The following SIGLEC1 variants were observed in gnomAD, a reference collection of about 807,000 sequenced individuals.
The protein encoded by SIGLEC1 is sialoadhesin.
A neutral mutation model predicts 148.0 loss-of-function variants in SIGLEC1; 132 were observed. The observed-to-expected ratio is 0.89, with a 90% CI of 0.77 to 1.03. The LOEUF (loss-of-function observed/expected upper bound fraction) is 1.03. SIGLEC1 is among the 50% of genes least tolerant of loss of function. SIGLEC1 has a pLI of 0.00. For missense variants in SIGLEC1, 2,253 were observed against 2,271.4 expected (o/e 0.99, Z 0.16); for synonymous variants, 945 against 969.0 (o/e 0.98, Z 0.46).
rs952737424 is a variant in SIGLEC1 at position 3,705,850 on chromosome 20, C to T, written c.600G>A (p.Glu200=). Residue 200 remains glutamate, a synonymous_variant, in exon 4 of 22, where the codon GAG becomes GAA. Transcript: ENST00000344754. The part of the protein sequence containing the change: ...KFEPTGVGHL[E]TLHMAMSWQD... ...GCCAGGACATGGCCATGTGGAGGGT[C>T]TCCAGGTGGCCGACGCCGGTGGGCT... 1.9e-6 allele frequency: 3 copies of T among 1,614,138 alleles called. No homozygotes were observed. Among genetic ancestry groups the T allele is most frequent in the Middle Eastern group, 3.3e-4 (2 of 6,062 alleles).
rs73893084 is a variant in SIGLEC1 at position 3,706,317 on chromosome 20, G to A, written c.409+30C>T. The stretch of plus-strand genomic sequence containing the variant: ...CAGAAGCAGCTTGGGAATCCCTCCC[G>A]GGGGGCAGCCAGGCCACCCCACTTA... On this transcript the variant is annotated intron_variant, in intron 3 of 21. Coordinates refer to ENST00000344754, the MANE Select transcript of SIGLEC1 (RefSeq NM_023068.4). 1.4e-3 allele frequency: 2,170 copies of A among 1,583,900 alleles called. 20 individuals carry two copies. In the African/African-American group the frequency reaches 0.025, roughly 18 times the overall value.
rs368839194 is a variant in SIGLEC1 at position 3,702,029 on chromosome 20, G to C, written c.1229-388C>G. Among the ~76,000 whole-genome samples the C allele has an allele frequency of 2.5e-4, 38 of 152,200 alleles. No homozygotes were observed. In the East Asian group the frequency reaches 6.8e-3, roughly 27 times the overall value. ...ATGTCCGCGGCCTTCCCACCCAGAGGGCATGGTCTCAGGCCATTCAAGTCA... is the reference window on the plus strand; with the variant it reads ...ATGTCCGCGGCCTTCCCACCCAGAGCGCATGGTCTCAGGCCATTCAAGTCA... On this transcript the variant is annotated intron_variant, in intron 6 of 21. Transcript: ENST00000344754.
Position 3,701,455 on chromosome 20 carries a change from T to A in SIGLEC1, c.1415A>T (p.Asn472Ile), listed in dbSNP as rs774930147. ...SPRFSGTSGP[N>I]SLRLEIRDLE... ...GTCTCGGATCTCCAGGCGCAGGGAG[T>A]TGGGACCAGAGGTACCACTGAAGCG... The change falls in exon 7 of 22, where the codon AAC becomes ATC. Residue 472 changes from asparagine (N) to isoleucine (I), a missense_variant. Transcript: ENST00000344754. 4 of 1,613,836 alleles carry A rather than the reference T, an allele frequency of 2.5e-6. No individual in the cohort carries two copies. Among genetic ancestry groups the A allele is most frequent in the Non-Finnish European group, 2.5e-6 (3 of 1,180,010 alleles).
Position 3,697,200 on chromosome 20 carries a change from G to C in SIGLEC1, c.2265C>G (p.Pro755=). The stretch of plus-strand genomic sequence containing the variant: ...CGGGCAGCAGTGTCACGGTCTCCAG[G>C]GGACCCTGGGCCCACAGCACCCCAT... ...FRNGVLWAQG[P]LETVTLLPVA... is the part of the protein sequence containing the mutation. Residue 755 remains proline, a synonymous_variant, in exon 10 of 22, where the codon CCC becomes CCG. Transcript: ENST00000344754. 6.2e-7 allele frequency: 1 copy of C among 1,613,920 alleles called. No homozygotes were observed. The highest frequency in any genetic ancestry group is 8.5e-7 in the Non-Finnish European group (1 of 1,180,042).
Position 3,698,065 on chromosome 20 carries a change from G to T in SIGLEC1, c.1855C>A (p.Arg619=), listed in dbSNP as rs759092310. Residue 619 remains arginine, a synonymous_variant, in exon 9 of 22, where the codon CGA becomes AGA. Coordinates refer to ENST00000344754, the MANE Select transcript of SIGLEC1 (RefSeq NM_023068.4). ...LDAAGAGAGR[R]GLLLCRVDSD... ...TCCACACGGCACAAAAGGAGGCCTC[G>T]CCGTCCAGCCCCGGCCCCAGCGGCA... 1.2e-5 allele frequency: 20 copies of T among 1,606,962 alleles called. No individual in the cohort carries two copies. Among genetic ancestry groups the T allele is most frequent in the Non-Finnish European group, 1.7e-5 (20 of 1,177,668 alleles).
chr20:3,697,028 T>C, intron 10 of SIGLEC1, 57 bp downstream of exon 10: 1 of 1,560,744 alleles, frequency 6.4e-7, no homozygotes, highest in Non-Finnish European at 8.7e-7. Flanking sequence ...CCCCTGCTTC[T>C]CCCCAGACCA....
rs2088799433 is a variant in SIGLEC1, at chr20:3,694,334, T to A, written c.3143A>T (p.Asn1048Ile). The change falls in exon 13 of 22, where the codon AAC becomes ATC. Residue 1048 changes from asparagine to isoleucine, a missense_variant. By Grantham distance (149) the Asn-to-Ile change is moderately radical. Transcript: ENST00000344754. Reference protein sequence around the residue: ...SPRLHVAVAPNTLRLEIHGAM... With the variant: ...SPRLHVAVAPITLRLEIHGAM... ...CCCGTGGATCTCCAGACGCAGTGTG[T>A]TGGGGGCCACAGCCACATGCAGCCT... 1 of 1,613,068 alleles carries A rather than the reference T, an allele frequency of 6.2e-7. No individual in the cohort carries two copies. The highest frequency in any genetic ancestry group is 1.3e-5 in the African/African-American group (1 of 74,906).
intron 20 of SIGLEC1, 133 bp from the exon 21 acceptor site, chr20:3,689,360 G>A: frequency 1.2e-6 from 1 of 815,942 alleles, no homozygotes; most frequent in Non-Finnish European, 2.1e-6. Flanking sequence ...TGCTTCCTCT[G>A]TCTTCCTCCC....
rs764602397 is a variant in SIGLEC1 at position 3,694,208 on chromosome 20, C to CAT, written c.3256+12_3256+13insAT. On this transcript the variant is annotated intron_variant, in intron 13 of 21. Transcript: ENST00000344754. ...ACACACACACACACACACACACACA[C>CAT]ACACACACTGACCTTGAGCGTCGAA... 6.3e-6 allele frequency: 10 copies of CAT among 1,593,744 alleles called. No individual in the cohort carries two copies. In the South Asian group the frequency reaches 1.1e-4, roughly 18 times the overall value.
intron 2 of SIGLEC1, 86 bp downstream of exon 2, chr20:3,706,994 G>T: frequency 7.1e-7 from 1 of 1,417,130 alleles, no homozygotes; most frequent in Non-Finnish European, 1.0e-6. Flanking sequence ...AACCAAACAT[G>T]TGACCCAGGC....
Position 3,690,144 on chromosome 20 carries a change from C to T in SIGLEC1, c.4712G>A (p.Arg1571Gln), listed in dbSNP as rs745783230. The T allele has an allele frequency of 1.1e-5, 18 of 1,602,996 alleles. No homozygotes were observed. The Admixed American group carries it at 1.5e-4, about 14-fold the overall frequency. Residue 1571 changes from arginine (R) to glutamine (Q), a missense_variant, in exon 19 of 22, where the codon CGA (arginine) becomes CAA (glutamine). Coordinates refer to ENST00000344754, the MANE Select transcript of SIGLEC1 (RefSeq NM_023068.4). ...CTGGGGCTGACTGGAGGCCACCAGTCGACTGCCAAGGTGGAGAGTCAGGCT... is the reference window on the plus strand; with the variant it reads ...CTGGGGCTGACTGGAGGCCACCAGTTGACTGCCAAGGTGGAGAGTCAGGCT... Reference protein sequence around the residue: ...LASLTLHLGSRLVASSQPQGA... With the variant: ...LASLTLHLGSQLVASSQPQGA...
rs780087794 is a variant in SIGLEC1 at position 3,694,414 on chromosome 20, A to T, written c.3063T>A (p.Asp1021Glu). 21 of 1,612,612 alleles carry T rather than the reference A, an allele frequency of 1.3e-5. No homozygotes were observed. The South Asian group carries it at 1.9e-4, about 14-fold the overall frequency. The change falls in exon 13 of 22, where the codon GAT (aspartate) becomes GAA (glutamate). Residue 1021 changes from aspartate (D) to glutamate (E), a missense_variant. Asp to Glu is a conservative substitution (Grantham distance 45). Transcript: ENST00000344754. ...PPAQLRLLHG[D>E]RLVASTLQGV... Reference sequence around the variant, plus strand: ...CTTGTAGGGTGGAGGCCACAAGGCGATCCCCGTGGAGCAGCCGCAGCTGGG... The same window carrying T: ...CTTGTAGGGTGGAGGCCACAAGGCGTTCCCCGTGGAGCAGCCGCAGCTGGG...
chr20:3,700,271 C>T (rs2087840412), intron 7 of SIGLEC1, among the ~76,000 whole-genome samples: 1 of 151,880 alleles, frequency 6.6e-6, no homozygotes, highest in South Asian at 2.1e-4. Flanking sequence ...GTGTGCGCCA[C>T]CACACCCGGC....
rs2088760954 is a variant in SIGLEC1, at chr20:3,691,436, T to C, written c.4495A>G (p.Thr1499Ala). 6.2e-7 allele frequency: 1 copy of C among 1,613,228 alleles called. No homozygotes were observed. Among genetic ancestry groups the C allele is most frequent in the East Asian group, 2.2e-5 (1 of 44,866 alleles). The stretch of plus-strand genomic sequence containing the variant: ...CCAGCTTGAGCACGAGCCACGTGGG[T>C]GAAGGCGAGAGTGGGCACAGGCTCC... ...HAEPVPTLAF[T>A]HVARAQAGMY... is the part of the protein sequence containing the mutation. The change falls in exon 18 of 22, where the codon ACC (threonine) becomes GCC (alanine). Residue 1499 changes from threonine to alanine, a missense_variant. By Grantham distance (58) the Thr-to-Ala change is moderately conservative. Transcript: ENST00000344754.
Position 3,699,371 on chromosome 20 carries a change from A to T in SIGLEC1, c.1617T>A (p.Pro539=). 1 of 1,608,728 alleles carries T rather than the reference A, an allele frequency of 6.2e-7. No homozygotes were observed. The highest frequency in any genetic ancestry group is 8.5e-7 in the Non-Finnish European group (1 of 1,178,336). ...LSCRSGLSPT[P]DARFSWYLNG... is the part of the protein sequence containing the mutation. ...TCAGGTACCAGGAGAAGCGGGCATC[A>T]GGTGTGGGGCTTAGGCCGCTTCTGC... Residue 539 remains proline (P), a synonymous_variant, in exon 8 of 22, where the codon CCT becomes CCA. Transcript: ENST00000344754.
intron 7 of SIGLEC1, 24 bp from the exon 8 acceptor site, chr20:3,699,483 G>A: frequency 6.3e-7 from 1 of 1,592,384 alleles, no homozygotes; most frequent in Non-Finnish European, 8.5e-7. Context: ...AAGAGGCTGG[G>A]AAGGGTCCCT....
At position 3,706,469 on chromosome 20, in the gene SIGLEC1, C is replaced by G; in HGVS notation, c.287G>C (p.Arg96Thr). Residue 96 changes from arginine to threonine, a missense_variant, in exon 3 of 22, where the codon AGG becomes ACG. By Grantham distance (71) the Arg-to-Thr change is moderately conservative. Coordinates refer to ENST00000344754, the MANE Select transcript of SIGLEC1 (RefSeq NM_023068.4). ...RTEFMGNPEH[R>T]VCNLLLKDLQ... is the part of the protein sequence containing the mutation. ...GTCCTTCAGCAGCAGGTTGCACACCCTGTGCTCGGGGTTCCCCATGAACTC... is the reference window on the plus strand; with the variant it reads ...GTCCTTCAGCAGCAGGTTGCACACCGTGTGCTCGGGGTTCCCCATGAACTC... 6.2e-7 allele frequency: 1 copy of G among 1,614,030 alleles called. No individual in the cohort carries two copies. The highest frequency in any genetic ancestry group is 8.5e-7 in the Non-Finnish European group (1 of 1,180,036).
chr20:3,689,127 T>C (rs376137255), intron 21 of SIGLEC1, 28 bp downstream of exon 21: 49 of 1,594,992 alleles, frequency 3.1e-5, no homozygotes, highest in Non-Finnish European at 3.2e-5. Context: ...CTGGGTATTA[T>C]ATCTGCCCGT....
At position 3,691,512 on chromosome 20, in the gene SIGLEC1, A is replaced by G. The variant is rs1164285601; in HGVS notation, c.4419T>C (p.Pro1473=). 6.2e-7 allele frequency: 1 copy of G among 1,613,346 alleles called. No homozygotes were observed. Among genetic ancestry groups the G allele is most frequent in the Non-Finnish European group, 8.5e-7 (1 of 1,180,012 alleles). ...LSCRLLGGPG[P]VGNSTFAWFW... ...ACCATGCAAAGGTGGAGTTGCCCAC[A>G]GGCCCAGGGCCACCCAGGAGGCGGC... Residue 1473 remains proline (P), a synonymous_variant, in exon 18 of 22, where the codon CCT becomes CCC. Coordinates refer to ENST00000344754, the MANE Select transcript of SIGLEC1 (RefSeq NM_023068.4).
Sources: allele counts gnomAD v4.1 joint callset (sites outside exome capture counted in the v4.1 genomes callset), GRCh38; gene constraint gnomAD v4.1.1; transcripts MANE v1.5; gene names NCBI Gene and HGNC (gene_info 2026-07-23, HGNC 2026-07-21).